The following ERAP1 variants were observed in gnomAD, a reference collection of about 807,000 sequenced individuals.
The protein encoded by ERAP1 is endoplasmic reticulum aminopeptidase 1.
Under a neutral mutation model 103.7 loss-of-function variants are expected in ERAP1, and 86 were observed. The observed-to-expected ratio is 0.83, with a 90% CI of 0.70 to 0.99. The LOEUF (loss-of-function observed/expected upper bound fraction) is 0.99. ERAP1 is among the 50% of genes least tolerant of loss of function. The pLI, the probability that ERAP1 is intolerant of heterozygous loss-of-function variation, is 0.00. For missense variants in ERAP1, 1,009 were observed against 1,128.4 expected, an observed-to-expected ratio of 0.89 and a Z score of 1.52; for synonymous variants, 398 against 402.4, an observed-to-expected ratio of 0.99 and a Z score of 0.13.
At chr5:96,841,653 A>G in the ERAP1 span, among the ~76,000 whole-genome samples, 1 of 152,166 alleles carries the variant, frequency 6.6e-6, no homozygotes, top group Non-Finnish European at 1.5e-5. Context: ...GATAAGCACA[A>G]AGGTAACAGT....
chr5:96,912,019 C>T, the ERAP1 span, among the ~76,000 whole-genome samples: 4 of 149,738 alleles, frequency 2.7e-5, no homozygotes, highest in Non-Finnish European at 5.9e-5. Flanking sequence ...GTAACCCCGT[C>T]TCTACTAAAA....
chr5:96,806,663 T>C (rs990146812), intron 1 of ERAP1, among the ~76,000 whole-genome samples: 4 of 142,726 alleles, frequency 2.8e-5, no homozygotes, highest in African/African-American at 7.9e-5. Flanking sequence ...GGAGTCTCGC[T>C]CTGTCTCCCA....
At position 96,803,940 on chromosome 5, in the gene ERAP1, C is replaced by T. The variant is rs1561292845; in HGVS notation, c.-14G>A. 6.2e-7 allele frequency: 1 copy of T among 1,603,296 alleles called. No individual in the cohort carries two copies. On this transcript the variant is annotated 5_prime_UTR_variant, in exon 2 of 19. Transcript: ENST00000443439. ...CAGAAACACCATCTTCTTGCTCTACCTACCTAGCGGCACAAATGTACAAAA... is the reference window on the plus strand; with the variant it reads ...CAGAAACACCATCTTCTTGCTCTACTTACCTAGCGGCACAAATGTACAAAA...
intron 15 of ERAP1, 134 bp from the exon 16 acceptor site, chr5:96,781,988 A>G: frequency 1.2e-6 from 1 of 838,244 alleles, no homozygotes; most frequent in South Asian, 1.5e-5. Flanking sequence ...AACAAAAACT[A>G]CTGATTTCCT....
chr5:96,927,849 G>GA, the ERAP1 span, among the ~76,000 whole-genome samples: 1 of 152,260 alleles, frequency 6.6e-6, no homozygotes, highest in East Asian at 1.9e-4. Flanking sequence ...AGTCCCTTGT[G>GA]AAGTCCCTTG....
the ERAP1 span, among the ~76,000 whole-genome samples, chr5:96,827,118 C>T: frequency 1.3e-5 from 2 of 152,188 alleles, no homozygotes; most frequent in Non-Finnish European, 2.9e-5. Flanking sequence ...TGAGACTCCC[C>T]TCTAATTCTG....
chr5:96,816,703 A>G, the ERAP1 span, among the ~76,000 whole-genome samples: 3 of 152,104 alleles, frequency 2.0e-5, no homozygotes, highest in Non-Finnish European at 4.4e-5. Context: ...AGGGAATTTT[A>G]TCCCTCCCAT....
At chr5:96,913,443 C>T in the ERAP1 span, 2 of 1,613,850 alleles carry the variant, frequency 1.2e-6, no homozygotes, top group East Asian at 2.2e-5. Context: ...AAAATTGGAC[C>T]CATCTTCTGA....
chr5:96,801,070 T>C (rs2150990844), intron 2 of ERAP1, 70 bp from the exon 3 acceptor site: 1 of 1,531,802 alleles, frequency 6.5e-7, no homozygotes, highest in Non-Finnish European at 9.0e-7. Flanking sequence ...GTGTTTGCTT[T>C]TTAATTCCTA....
the ERAP1 span, among the ~76,000 whole-genome samples, chr5:96,927,537 A>G: frequency 2.0e-5 from 3 of 151,928 alleles, no homozygotes; most frequent in Admixed American, 6.6e-5. Flanking sequence ...CCCAGGCTGG[A>G]GTGCAGTGGC....
At chr5:96,777,193 G>C (rs11740375) in intron 18 of ERAP1, among the ~76,000 whole-genome samples, 13,821 of 152,246 alleles carry the variant, frequency 0.091, 828 homozygotes, top group Middle Eastern at 0.16. Flanking sequence ...TGTTTCATTT[G>C]TGGGTATCTT....
exon 20 of ERAP1, chr5:96,761,519 T>C (rs1767951906): frequency 6.6e-6 from 1 of 152,260 alleles, no homozygotes; most frequent in Non-Finnish European, 1.5e-5. Context: ...TTTCTCCATC[T>C]TTTGGTAAAA....
the ERAP1 span, chr5:96,900,011 G>C: frequency 7.9e-7 from 1 of 1,270,254 alleles, no homozygotes; most frequent in Non-Finnish European, 1.1e-6. Flanking sequence ...ATGTCTGGAT[G>C]AATTATTTCA....
downstream of ERAP1, chr5:96,773,017 T>C (rs1422768080): frequency 1.9e-5 from 3 of 153,898 alleles, no homozygotes; most frequent in Admixed American, 2.0e-4. Context: ...GCCCTTAATT[T>C]TTTTTGTTAG....
chr5:96,817,973 G>A, the ERAP1 span, among the ~76,000 whole-genome samples: 2 of 152,214 alleles, frequency 1.3e-5, no homozygotes, highest in African/African-American at 4.8e-5. Flanking sequence ...GAGATGCTGA[G>A]TGAGCCAGTC....
chr5:96,835,156 A>G, the ERAP1 span, among the ~76,000 whole-genome samples: 5 of 152,346 alleles, frequency 3.3e-5, no homozygotes, highest in South Asian at 1.0e-3. Context: ...TTAAGATAAA[A>G]TTATGATATT....
At chr5:96,879,866 C>T in the ERAP1 span, 13 of 1,614,106 alleles carry the variant, frequency 8.1e-6, no homozygotes, top group Middle Eastern at 1.7e-4. Context: ...TAATGGGGAA[C>T]GATTTCCTTG....
At chr5:96,848,675 T>C in the ERAP1 span, 3 of 152,184 alleles carry the variant, frequency 2.0e-5, no homozygotes, top group Non-Finnish European at 4.4e-5. Flanking sequence ...TAGGACGAGA[T>C]GGCTTCATGG....
At chr5:96,770,372 A>G (rs1190694541), downstream of ERAP1, 3 of 582,378 alleles carry the variant, frequency 5.2e-6, no homozygotes, top group African/African-American at 5.6e-5. Context: ...ATTCTCTGAC[A>G]CCGTTGTTCA....
Sources: allele counts gnomAD v4.1 joint callset (sites outside exome capture counted in the v4.1 genomes callset), GRCh38; gene constraint gnomAD v4.1.1; transcripts MANE v1.5; gene names NCBI Gene and HGNC (gene_info 2026-07-23, HGNC 2026-07-21).